The following KIAA0586 variants were observed in gnomAD, a reference collection of about 807,000 sequenced individuals.
The protein encoded by KIAA0586 is KIAA0586.
Under a neutral mutation model 169.8 loss-of-function variants are expected in KIAA0586, and 144 were observed. That is an observed-to-expected ratio of 0.85 (90% CI 0.74 to 0.97). The LOEUF (loss-of-function observed/expected upper bound fraction) is 0.97, where lower values mean the gene tolerates loss of function less well. KIAA0586 is among the 50% of genes least tolerant of loss of function. KIAA0586 has a pLI of 0.00. For missense variants in KIAA0586, 1,854 were observed against 1,823.0 expected (o/e 1.02, Z -0.31); for synonymous variants, 625 against 612.4 (o/e 1.02, Z -0.30).
At chr14:58,540,165 A>T in intron 30 of KIAA0586, 29 bp downstream of exon 30, 1 of 1,307,140 alleles carries the variant, frequency 7.7e-7, no homozygotes, top group Non-Finnish European at 1.1e-6. Context: ...AAGTTCTTGA[A>T]CTTGGAGCTG....
At chr14:58,560,190 A>G in the KIAA0586 span, among the ~76,000 whole-genome samples, 1 of 150,708 alleles carries the variant, frequency 6.6e-6, no homozygotes, top group African/African-American at 2.4e-5. Context: ...CCCACTCCAT[A>G]CCCACCAAAC....
chr14:58,512,087 A>G (rs1182537773), intron 28 of KIAA0586, among the ~76,000 whole-genome samples: 2 of 152,174 alleles, frequency 1.3e-5, no homozygotes, highest in Non-Finnish European at 2.9e-5. Context: ...TGATGTTACT[A>G]TATATAAAAG....
At chr14:58,428,838 A>G (rs556921518) in intron 1 of KIAA0586, among the ~76,000 whole-genome samples, 33 of 152,224 alleles carry the variant, frequency 2.2e-4, no homozygotes, top group African/African-American at 7.7e-4. Flanking sequence ...TAGTGGGAAA[A>G]GCAGGACTTC....
chr14:58,445,092 C>CA (rs1049777124), intron 6 of KIAA0586, among the ~76,000 whole-genome samples: 6 of 148,794 alleles, frequency 4.0e-5, no homozygotes, highest in Middle Eastern at 3.5e-3. Flanking sequence ...GACCCTATCT[C>CA]AAAAAAAAAG....
the KIAA0586 span, among the ~76,000 whole-genome samples, chr14:58,557,899 ATCTTTTTTTTT>A: frequency 4.3e-5 from 2 of 46,610 alleles, no homozygotes; most frequent in African/African-American, 2.0e-4. Flanking sequence ...ATCCTGAGAA[ATCTTTTTTTTT>A]TTTTTTTTTT....
chr14:58,547,160 A>G (rs1231636528), intron 30 of KIAA0586, among the ~76,000 whole-genome samples: 2 of 151,946 alleles, frequency 1.3e-5, no homozygotes, highest in African/African-American at 2.4e-5. Context: ...TCTTTTAAAA[A>G]AAAAAAAAAA....
At chr14:58,441,103 T>A (rs2038313643) in intron 4 of KIAA0586, 1 of 83,150 alleles carries the variant, frequency 1.2e-5, no homozygotes, top group African/African-American at 1.4e-4. Flanking sequence ...TGTAAATATA[T>A]ACAATTTTTT....
chr14:58,454,110 C>G (rs1233881746), intron 9 of KIAA0586, among the ~76,000 whole-genome samples: 4 of 152,152 alleles, frequency 2.6e-5, no homozygotes, highest in Non-Finnish European at 4.4e-5. Flanking sequence ...CACTGTTCCT[C>G]CCTTAGTGCC....
chr14:58,428,431 G>A lies in KIAA0586; in HGVS notation c.167G>A (p.Gly56Glu), dbSNP rs201315284. 5 of 1,613,884 alleles carry A rather than the reference G, an allele frequency of 3.1e-6. No individual in the cohort carries two copies. The African/African-American group carries it at 6.7e-5, about 22-fold the overall frequency. The change falls in exon 1 of 31, where the codon GGA becomes GAA. Residue 56 changes from glycine to glutamate, a missense_variant. Physicochemically the swap from Gly to Glu is moderately conservative, Grantham distance 98. Transcript: ENST00000652326. Reference sequence around the variant, plus strand: ...TCTGCAAATAAACGTCTTCCTGTTGGAACGGGGACTAGTTTGAATGGAACA... The same window carrying A: ...TCTGCAAATAAACGTCTTCCTGTTGAAACGGGGACTAGTTTGAATGGAACA... ...ALSANKRLPV[G>E]TGTSLNGTSR...
rs546187967 is a variant in KIAA0586, at chr14:58,518,750, A to G, written c.4429+6123A>G. Among the ~76,000 whole-genome samples, 4 of 152,302 alleles carry G rather than the reference A, an allele frequency of 2.6e-5. No individual in the cohort carries two copies. In the East Asian group the frequency reaches 7.7e-4, roughly 29 times the overall value. ...TTCAGCTCCATCTTTCTGAGTTCTT[A>G]CTGAACCTCCGATTGAAAACGTCTT... On this transcript the variant is annotated intron_variant, in intron 29 of 30. Coordinates refer to ENST00000652326, the MANE Select transcript of KIAA0586 (RefSeq NM_001329943.3).
Position 58,456,806 on chromosome 14 carries a change from T to G in KIAA0586, c.1358T>G (p.Val453Gly). 2 of 1,554,188 alleles carry G rather than the reference T, an allele frequency of 1.3e-6. No individual in the cohort carries two copies. Among genetic ancestry groups the G allele is most frequent in the Non-Finnish European group, 1.8e-6 (2 of 1,133,636 alleles). The change falls in exon 10 of 31, where the codon GTC (valine) becomes GGC (glycine). Residue 453 changes from valine to glycine, a missense_variant. Coordinates refer to ENST00000652326, the MANE Select transcript of KIAA0586 (RefSeq NM_001329943.3). Reference protein sequence around the residue: ...GQKEKETNSMVQPKESLSMLK... With the variant: ...GQKEKETNSMGQPKESLSMLK... ...AAAGAGAAAGAAACAAATAGCATGG[T>G]CCAGGTAAAGTGGGAATGGTCTTAA...
intron 4 of KIAA0586, among the ~76,000 whole-genome samples, chr14:58,433,712 A>G (rs903547818): frequency 6.6e-6 from 1 of 152,204 alleles, no homozygotes; most frequent in African/African-American, 2.4e-5. Flanking sequence ...CAGGAAAATA[A>G]TTTCTTATAA....
intron 26 of KIAA0586, among the ~76,000 whole-genome samples, chr14:58,498,146 T>G (rs187982824): frequency 1.4e-3 from 215 of 151,720 alleles, no homozygotes; most frequent in Non-Finnish European, 2.5e-3. Context: ...AAAGTGCTGG[T>G]ATTACAGGCA....
chr14:58,463,148 C>T (rs754497037), intron 14 of KIAA0586, among the ~76,000 whole-genome samples: 3 of 152,018 alleles, frequency 2.0e-5, no homozygotes, highest in Admixed American at 1.3e-4. Flanking sequence ...TCAATTCTTC[C>T]GTCTCCGCTC....
intron 16 of KIAA0586, among the ~76,000 whole-genome samples, chr14:58,470,076 ATG>A (rs3041104): frequency 0.98 from 146,786 of 149,102 alleles, 72,286 homozygotes; most frequent in Non-Finnish European, 1. Context: ...TAGGAAGAAA[ATG>A]TGTGTGTGTG....
At chr14:58,520,697 T>C (rs2045147952) in intron 29 of KIAA0586, among the ~76,000 whole-genome samples, 1 of 151,960 alleles carries the variant, frequency 6.6e-6, no homozygotes, top group Non-Finnish European at 1.5e-5. Context: ...TAATTTTGTT[T>C]TCATTTTTTG....
At chr14:58,474,542 A>G in intron 18 of KIAA0586, 65 bp from the exon 19 acceptor site, 1 of 1,119,878 alleles carries the variant, frequency 8.9e-7, no homozygotes, top group Non-Finnish European at 1.2e-6. Context: ...CCTTGCCTAT[A>G]GTTGGTACTC....
the KIAA0586 span, among the ~76,000 whole-genome samples, chr14:58,557,406 A>G: frequency 6.6e-6 from 1 of 152,218 alleles, no homozygotes; most frequent in African/African-American, 2.4e-5. Context: ...GGCAGCTGAC[A>G]GAGAAATGCT....
In KIAA0586 at chr14:58,427,832, C is replaced by G; in HGVS notation, c.-433C>G. 7.0e-7 allele frequency: 1 copy of G among 1,433,308 alleles called. No homozygotes were observed. Among genetic ancestry groups the G allele is most frequent in the South Asian group, 1.4e-5 (1 of 69,496 alleles). The allele number at this position is 1,433,308 out of a possible 1,614,324, so 88.8% of individuals were successfully genotyped here. On this transcript the variant is annotated 5_prime_UTR_variant, in exon 1 of 31. Transcript: ENST00000652326. Reference sequence around the variant, plus strand: ...TGGAGGGGTGTGTAAGACTCTGTGGCTGAAGAAAGCTATTACGCTTCTTAT... The same window carrying G: ...TGGAGGGGTGTGTAAGACTCTGTGGGTGAAGAAAGCTATTACGCTTCTTAT...
Sources: gnomAD v4.1 joint callset for allele counts (sites outside exome capture counted in the v4.1 genomes callset) on GRCh38, gnomAD v4.1.1 for gene constraint, MANE v1.5 for transcripts, NCBI Gene and HGNC (gene_info 2026-07-23, HGNC 2026-07-21) for gene names.